SPTBN4: variants seen among roughly 807,000 people sequenced by gnomAD.
The protein encoded by SPTBN4 is spectrin beta chain, non-erythrocytic 4.
SPTBN4 carries 96 observed loss-of-function variants against 277.8 expected under a neutral mutation model. The observed-to-expected ratio is 0.35, with a 90% CI of 0.29 to 0.41. The LOEUF is 0.41. Among genes scored for constraint, SPTBN4 ranks in the 10% least tolerant of loss-of-function variants. SPTBN4 has a pLI of 1.00. For synonymous variants in SPTBN4, 1,481 were observed against 1,580.3 expected, an observed-to-expected ratio of 0.94 and a Z score of 1.49; for missense variants, 3,006 against 3,595.7, an observed-to-expected ratio of 0.84 and a Z score of 4.19.
Position 40,503,934 on chromosome 19 carries a change from G to A in SPTBN4, c.1467G>A (p.Ala489=), listed in dbSNP as rs993137906. The change falls in exon 12 of 36, where the codon GCG becomes GCA. Residue 489 remains alanine, a synonymous_variant. Transcript: ENST00000598249. ...AAYEERVQGV[A]ELAQALAAEG... Reference sequence around the variant, plus strand: ...ACGAGGAGCGGGTGCAGGGTGTGGCGGAGCTGGCCCAGGCATTGGCAGCCG... The same window carrying A: ...ACGAGGAGCGGGTGCAGGGTGTGGCAGAGCTGGCCCAGGCATTGGCAGCCG... 58 of 1,613,858 alleles carry A rather than the reference G, an allele frequency of 3.6e-5. No homozygotes were observed. The highest frequency in any genetic ancestry group is 5.3e-5 in the African/African-American group (4 of 74,912).
Position 40,502,420 on chromosome 19 carries a change from G to T in SPTBN4, c.1116G>T (p.Leu372=), listed in dbSNP as rs34222811. ...KFQEKGNLEV[L]LFSIQSKLRA... ...AGGAGAAGGGGAACCTAGAGGTGCT[G>T]CTCTTCAGCATCCAGAGCAAACTGC... The change falls in exon 10 of 36, where the codon CTG becomes CTT. Residue 372 remains leucine, a synonymous_variant. Coordinates refer to ENST00000598249, the MANE Select transcript of SPTBN4 (RefSeq NM_020971.3). This position sits in a 1 kb window ranked among gnomAD's most constrained non-coding sequence, Gnocchi z 4.9. 527 of 1,613,320 alleles carry T rather than the reference G, an allele frequency of 3.3e-4. 2 individuals carry two copies. The highest frequency in any genetic ancestry group is 5.0e-4 in the Middle Eastern group (3 of 6,058).
At chr19:40,531,464 GTTTTTTTTTTTTTTTTTTT>G (rs71173645) in intron 18 of SPTBN4, among the ~76,000 whole-genome samples, 1,857 of 41,158 alleles carry the variant, frequency 0.045, 115 homozygotes, top group African/African-American at 0.14. Flanking sequence ...TCCAGTGTTT[GTTTTTTTTTTTTTTTTTTT>G]TTTTTTTTTT....
In SPTBN4 at chr19:40,467,001, G is replaced by A. The variant is rs1177182616; in HGVS notation, c.-320G>A. On this transcript the variant is annotated 5_prime_UTR_variant, in exon 1 of 36. Transcript: ENST00000598249. ...GTGGGAGTGTGCAGCGCGTGACGCC[G>A]CCGTGCCCTCGCGAGTGCAGCCGTG... Among the ~76,000 whole-genome samples the A allele has an allele frequency of 6.6e-6, 1 of 151,934 alleles. No individual in the cohort carries two copies. The highest frequency in any genetic ancestry group is 1.5e-5 in the Non-Finnish European group (1 of 67,928).
chr19:40,477,935 T>C (rs1205866300), intron 2 of SPTBN4, among the ~76,000 whole-genome samples: 1 of 151,864 alleles, frequency 6.6e-6, no homozygotes, highest in African/African-American at 2.4e-5. Flanking sequence ...GCCTCCTGGG[T>C]TCAAGCGATT....
chr19:40,468,322 C>A (rs943288709), intron 1 of SPTBN4, among the ~76,000 whole-genome samples: 1 of 152,098 alleles, frequency 6.6e-6, no homozygotes, highest in Non-Finnish European at 1.5e-5. Context: ...GGTGACCCAC[C>A]CACCTCCTTG....
chr19:40,564,083 G>C (rs572744023), intron 27 of SPTBN4, among the ~76,000 whole-genome samples: 1 of 151,554 alleles, frequency 6.6e-6, no homozygotes, highest in African/African-American at 2.4e-5. Context: ...GGCTGGGTGC[G>C]GTGGCTCACG....
intron 4 of SPTBN4, among the ~76,000 whole-genome samples, chr19:40,491,713 C>CAAAAAAAAAAAAAAAA (rs35237688): frequency 2.6e-5 from 1 of 38,800 alleles, no homozygotes; most frequent in African/African-American, 1.3e-4. Flanking sequence ...GACTCTGTCT[C>CAAAAAAAAAAAAAAAA]AAAAAAAAAA....
rs10622374 is a variant in SPTBN4 at position 40,468,080 on chromosome 19, C to CTTT, written c.-16+787_-16+789dup. The stretch of plus-strand genomic sequence containing the variant: ...TAAGAAACGGGTACGATTATCATTA[C>CTTT]TTTTTTTTTTTTTTGAGACGGAGTT... On this transcript the variant is annotated intron_variant, in intron 1 of 35. Coordinates refer to ENST00000598249, the MANE Select transcript of SPTBN4 (RefSeq NM_020971.3). Among the ~76,000 whole-genome samples the CTTT allele has an allele frequency of 2.7e-4, 39 of 144,574 alleles. 2 individuals are homozygous for CTTT. Among genetic ancestry groups the CTTT allele is most frequent in the Middle Eastern group, 7.0e-3 (2 of 284 alleles). 94.8% of individuals were successfully genotyped at this position (144,574 alleles called of 152,430 possible).
At chr19:40,516,022 C>T (rs1989721) in intron 15 of SPTBN4, among the ~76,000 whole-genome samples, 100,830 of 135,390 alleles carry the variant, frequency 0.74, 38,220 homozygotes, top group African/African-American at 0.87. Flanking sequence ...CACACATATA[C>T]GTATATATAC....
At chr19:40,472,937 T>C in intron 2 of SPTBN4, 147 bp downstream of exon 2, 1 of 808,244 alleles carries the variant, frequency 1.2e-6, no homozygotes, top group South Asian at 2.5e-5. Flanking sequence ...ATATCCATAA[T>C]GTACCATATA....
intron 7 of SPTBN4, among the ~76,000 whole-genome samples, chr19:40,499,287 G>A (rs1350014836): frequency 1.3e-5 from 2 of 149,748 alleles, no homozygotes; most frequent in Admixed American, 1.3e-4. Flanking sequence ...TGATCTGCTT[G>A]CCTCGTCCTC....
intron 16 of SPTBN4, among the ~76,000 whole-genome samples, chr19:40,522,694 G>A (rs929315681): frequency 3.3e-5 from 5 of 152,090 alleles, no homozygotes; most frequent in African/African-American, 1.2e-4. Context: ...TCTGTGCTGG[G>A]CGCTATTTTG....
At chr19:40,520,236 A>C in intron 16 of SPTBN4, 85 bp downstream of exon 16, 7 of 1,037,862 alleles carry the variant, frequency 6.7e-6, no homozygotes, top group East Asian at 3.7e-5. Context: ...GGGGGTGGGG[A>C]GGAGGGTGTT....
intron 27 of SPTBN4, among the ~76,000 whole-genome samples, chr19:40,561,176 G>A (rs2081038991): frequency 6.6e-6 from 1 of 152,084 alleles, no homozygotes; most frequent in African/African-American, 2.4e-5. Flanking sequence ...ACCACGTCTG[G>A]CTAATTTTGT....
In SPTBN4 at chr19:40,509,790, A is replaced by T. The variant is rs989001467; in HGVS notation, c.1817-2816A>T. 2.6e-5 allele frequency among the ~76,000 whole-genome samples: 4 copies of T among 152,160 alleles called. No individual in the cohort carries two copies. The East Asian group carries it at 7.7e-4, about 29-fold the overall frequency. ...AAGAACCTGTCTGGCTTGCAGGTTG[A>T]TGGGGAAGTTTCTCACCCTAGCCGA... On this transcript the variant is annotated intron_variant, in intron 13 of 35. Coordinates refer to ENST00000598249, the MANE Select transcript of SPTBN4 (RefSeq NM_020971.3).
At chr19:40,549,497 A>T (rs2080894075) in intron 21 of SPTBN4, 84 bp downstream of exon 21, 2 of 1,087,456 alleles carry the variant, frequency 1.8e-6, no homozygotes, top group South Asian at 1.7e-5. Flanking sequence ...CTGAAGATGG[A>T]GACGGCTGAG....
At position 40,515,930 on chromosome 19, in the gene SPTBN4, C is replaced by CAT. The variant is rs1477693878; in HGVS notation, c.2903+483_2903+484insTA. On this transcript the variant is annotated intron_variant, in intron 15 of 35. Transcript: ENST00000598249. This position sits in a 1 kb window ranked among gnomAD's most constrained non-coding sequence, Gnocchi z 4.1. The stretch of plus-strand genomic sequence containing the variant: ...ATATATATACACACACATATATATA[C>CAT]ACACATATATACGTATATATACACA... 5.6e-5 allele frequency among the ~76,000 whole-genome samples: 7 copies of CAT among 124,658 alleles called. 1 individual carries two copies. The highest frequency in any genetic ancestry group is 2.3e-4 in the African/African-American group (7 of 30,364). 81.8% of individuals were successfully genotyped at this position (124,658 alleles called of 152,430 possible).
chr19:40,525,911 C>T (rs893974196), intron 17 of SPTBN4, among the ~76,000 whole-genome samples: 1 of 152,200 alleles, frequency 6.6e-6, no homozygotes, highest in Non-Finnish European at 1.5e-5. Context: ...ACGGACTAAT[C>T]TCTGCACCTT....
chr19:40,533,451 C>T (rs1408011291), intron 19 of SPTBN4, among the ~76,000 whole-genome samples: 1 of 152,114 alleles, frequency 6.6e-6, no homozygotes, highest in Non-Finnish European at 1.5e-5. Context: ...CTCTAAGCCT[C>T]AACCCTCAGA....
Sources: gnomAD v4.1 joint callset for allele counts (sites outside exome capture counted in the v4.1 genomes callset) on GRCh38, gnomAD v4.1.1 for gene constraint, Gnocchi (gnomAD v3.1) non-coding constraint, MANE v1.5 for transcripts, NCBI Gene and HGNC (gene_info 2026-07-23, HGNC 2026-07-21) for gene names.